RNF111: variants seen among roughly 807,000 people sequenced by gnomAD.
RNF111 encodes the protein E3 ubiquitin-protein ligase Arkadia.
In RNF111, 17 loss-of-function variants were observed where a neutral mutation model predicts 95.1. That is an observed-to-expected ratio of 0.18 (90% confidence interval 0.12 to 0.27). The LOEUF is 0.27. Among genes scored for constraint, RNF111 ranks in the 10% least tolerant of loss-of-function variants. The pLI is 1.00. For missense variants in RNF111, 1,189 were observed against 1,210.4 expected, an observed-to-expected ratio of 0.98 and a Z score of 0.26; for synonymous variants, 440 against 414.8, an observed-to-expected ratio of 1.06 and a Z score of -0.74.
chr15:59,093,221 T>G (rs1249884651), intron 13 of RNF111, among the ~76,000 whole-genome samples: 1 of 152,066 alleles, frequency 6.6e-6, no homozygotes, highest in Non-Finnish European at 1.5e-5. Flanking sequence ...TTGTCTTCTG[T>G]AAATCTTGCA....
At chr15:59,048,951 A>G (rs963631540) in intron 2 of RNF111, among the ~76,000 whole-genome samples, 2 of 151,972 alleles carry the variant, frequency 1.3e-5, no homozygotes, top group African/African-American at 4.8e-5. Context: ...ACAAACAAAA[A>G]TTAGCTGGGT....
intron 10 of RNF111, 96 bp downstream of exon 10, chr15:59,085,881 T>A: frequency 9.5e-7 from 1 of 1,057,286 alleles, no homozygotes; most frequent in Non-Finnish European, 1.3e-6. Context: ...ATAGATGTTT[T>A]AATAGAATTT....
chr15:59,072,599 C>T (rs796069158), intron 6 of RNF111, among the ~76,000 whole-genome samples: 111 of 151,296 alleles, frequency 7.3e-4, no homozygotes, highest in African/African-American at 2.0e-3. Flanking sequence ...TACAGGTGCC[C>T]GCCACCACGC....
intron 1 of RNF111, among the ~76,000 whole-genome samples, chr15:59,003,169 G>T (rs1331165775): frequency 6.6e-6 from 1 of 152,172 alleles, no homozygotes; most frequent in Non-Finnish European, 1.5e-5. Flanking sequence ...AGGCTGGAGT[G>T]CAGTGGCTCA....
intron 12 of RNF111, 57 bp from the exon 13 acceptor site, chr15:59,092,480 C>T: frequency 1.3e-6 from 2 of 1,543,672 alleles, no homozygotes; most frequent in Non-Finnish European, 1.7e-6. Flanking sequence ...AGACTTTACT[C>T]AGTTGTTCAA....
chr15:59,039,316 A>G (rs1425191374), intron 2 of RNF111, among the ~76,000 whole-genome samples: 2 of 152,150 alleles, frequency 1.3e-5, no homozygotes, highest in African/African-American at 2.4e-5. Context: ...AGGTTCTTCT[A>G]TAAAGGAAGA....
At position 59,094,996 on chromosome 15, in the gene RNF111, A is replaced by C. The variant is rs2140269851; in HGVS notation, c.*96A>C. 3 of 795,772 alleles carry C rather than the reference A, an allele frequency of 3.8e-6. No individual in the cohort carries two copies. The highest frequency in any genetic ancestry group is 2.3e-4 in the Middle Eastern group (1 of 4,384). 49.3% of individuals were successfully genotyped at this position (795,772 alleles called of 1,614,324 possible). On this transcript the variant is annotated 3_prime_UTR_variant, in exon 14 of 14. Transcript: ENST00000348370. The stretch of plus-strand genomic sequence containing the variant: ...GCATGACTTACCTGCGCAGATTTGG[A>C]AGCATTGAACTTAGAGTGCTGGCTC...
At chr15:59,067,148 C>T (rs1259200958) in intron 6 of RNF111, 65 bp downstream of exon 6, 1 of 1,320,648 alleles carries the variant, frequency 7.6e-7, no homozygotes, top group South Asian at 1.3e-5. Context: ...TCTCCTTCTC[C>T]CTTTTCTCTC....
chr15:59,052,485 C>G (rs1444510156), intron 3 of RNF111, 54 bp downstream of exon 3: 2 of 1,223,412 alleles, frequency 1.6e-6, no homozygotes, highest in African/African-American at 3.2e-5. Flanking sequence ...AAATATTAAA[C>G]ATATTTGTGC....
intron 1 of RNF111, among the ~76,000 whole-genome samples, chr15:59,022,402 TCA>T (rs2040389985): frequency 6.6e-6 from 1 of 152,194 alleles, no homozygotes; most frequent in African/African-American, 2.4e-5. Context: ...TCTTTACCTG[TCA>T]GAGGAGATAG....
At chr15:59,019,773 A>G (rs1176488098) in intron 1 of RNF111, among the ~76,000 whole-genome samples, 1 of 152,154 alleles carries the variant, frequency 6.6e-6, no homozygotes, top group Non-Finnish European at 1.5e-5. Flanking sequence ...GGCCTGGCCA[A>G]CGTGGTAAAA....
At chr15:58,989,948 T>G (rs528820431) in intron 1 of RNF111, among the ~76,000 whole-genome samples, 70 of 152,186 alleles carry the variant, frequency 4.6e-4, no homozygotes, top group African/African-American at 1.7e-3. Flanking sequence ...TGTGCCCTTC[T>G]TTTGACTTTT....
intron 11 of RNF111, among the ~76,000 whole-genome samples, chr15:59,090,208 TTTTGTTTGTTTG>T (rs142811419): frequency 4.6e-5 from 7 of 151,302 alleles, no homozygotes; most frequent in Non-Finnish European, 8.8e-5. Context: ...TGGTTTGTTT[TTTTGTTTGTTTG>T]TTTGTTTGTT....
intron 1 of RNF111, among the ~76,000 whole-genome samples, chr15:59,003,297 C>A (rs1473828415): frequency 6.6e-6 from 1 of 151,782 alleles, no homozygotes; most frequent in East Asian, 1.9e-4. Flanking sequence ...TAGAGACATG[C>A]TTTTGCCCTG....
At chr15:59,001,276 G>A (rs1255228964) in intron 1 of RNF111, among the ~76,000 whole-genome samples, 1 of 152,138 alleles carries the variant, frequency 6.6e-6, no homozygotes, top group Non-Finnish European at 1.5e-5. Flanking sequence ...AAGGGTTCAT[G>A]TTCTTCAGTT....
intron 2 of RNF111, among the ~76,000 whole-genome samples, chr15:59,033,334 T>C (rs1235150334): frequency 6.6e-6 from 1 of 152,190 alleles, no homozygotes; most frequent in African/African-American, 2.4e-5. Context: ...GCCAGAACCC[T>C]AAACCAGTAA....
chr15:59,085,434 A>G (rs1412895162), intron 9 of RNF111: 2 of 272,890 alleles, frequency 7.3e-6, no homozygotes, highest in Non-Finnish European at 6.8e-6. Context: ...GAAACCAAGT[A>G]GAAATGCTTT....
chr15:59,055,981 C>T (rs1379804320), intron 4 of RNF111, 136 bp downstream of exon 4: 10 of 654,826 alleles, frequency 1.5e-5, no homozygotes, highest in East Asian at 3.3e-5. Flanking sequence ...TTTTTAATCT[C>T]GTTTTTAATT....
chr15:59,009,086 A>G (rs1596063875), intron 1 of RNF111, among the ~76,000 whole-genome samples: 1 of 151,968 alleles, frequency 6.6e-6, no homozygotes, highest in East Asian at 1.9e-4. Flanking sequence ...CAGCCTCCCG[A>G]GCAGCTGGGA....
Sources: gnomAD v4.1 joint callset for allele counts (sites outside exome capture counted in the v4.1 genomes callset) on GRCh38, gnomAD v4.1.1 for gene constraint, MANE v1.5 for transcripts, NCBI Gene and HGNC (gene_info 2026-07-23, HGNC 2026-07-21) for gene names.